Variants in DAPK1 observed in about 807,000 individuals in gnomAD.
DAPK1 encodes the protein death associated protein kinase 1.
In DAPK1, 56 loss-of-function variants were observed where a neutral mutation model predicts 144.9. The observed-to-expected ratio is 0.39, with a 90% confidence interval of 0.31 to 0.48. DAPK1 has a LOEUF of 0.48. Among genes scored for constraint, DAPK1 ranks in the 20% least tolerant of loss-of-function variants. The pLI is 0.95. For synonymous variants in DAPK1, 690 were observed against 749.0 expected (o/e 0.92, Z 1.29); for missense variants, 1,454 against 1,875.4 (o/e 0.78, Z 4.15).
At chr9:87,683,881 C>G (rs954610857) in intron 20 of DAPK1, among the ~76,000 whole-genome samples, 7 of 152,176 alleles carry the variant, frequency 4.6e-5, no homozygotes, top group African/African-American at 1.7e-4. Flanking sequence ...GGGGAGGAGG[C>G]AGCTGTCCTG....
chr9:87,690,834 A>G (rs1386586691), intron 21 of DAPK1, among the ~76,000 whole-genome samples: 1 of 151,634 alleles, frequency 6.6e-6, no homozygotes, highest in African/African-American at 2.4e-5. Flanking sequence ...CTTTCTGTTG[A>G]TGTGGTGTAT....
intron 3 of DAPK1, among the ~76,000 whole-genome samples, chr9:87,610,468 G>A (rs1485837214): frequency 1.3e-5 from 2 of 152,376 alleles, no homozygotes; most frequent in Non-Finnish European, 2.9e-5. Flanking sequence ...ACTTAAAGTC[G>A]ATGCTATTTC....
intron 2 of DAPK1, among the ~76,000 whole-genome samples, chr9:87,573,493 T>A (rs1827438515): frequency 6.6e-6 from 1 of 151,632 alleles, no homozygotes; most frequent in Non-Finnish European, 1.5e-5. Flanking sequence ...GAGGGGTGAG[T>A]TTGTAAGAGT....
At chr9:87,580,057 C>G (rs919605554) in intron 2 of DAPK1, among the ~76,000 whole-genome samples, 3 of 152,000 alleles carry the variant, frequency 2.0e-5, no homozygotes, top group Admixed American at 6.6e-5. Flanking sequence ...AAAAACAGTC[C>G]ATGGAGCTAA....
chr9:87,601,855 T>C (rs778803878), intron 2 of DAPK1, among the ~76,000 whole-genome samples: 5 of 152,170 alleles, frequency 3.3e-5, no homozygotes, highest in Non-Finnish European at 7.3e-5. Flanking sequence ...TGAACTATAA[T>C]GCAGAACACT....
At chr9:87,622,895 A>AGTG (rs1196433523) in intron 3 of DAPK1, among the ~76,000 whole-genome samples, 1 of 152,112 alleles carries the variant, frequency 6.6e-6, no homozygotes, top group Non-Finnish European at 1.5e-5. Flanking sequence ...TGGGCGGCAG[A>AGTG]GTGAGACTCC....
intron 2 of DAPK1, among the ~76,000 whole-genome samples, chr9:87,592,336 C>T (rs1828167847): frequency 6.6e-6 from 1 of 152,202 alleles, no homozygotes. Context: ...TCCCATTTCA[C>T]CCCCTTCCCT....
At chr9:87,638,145 C>G (rs1587797079) in intron 4 of DAPK1, 64 bp downstream of exon 4, 7 of 1,495,220 alleles carry the variant, frequency 4.7e-6, no homozygotes, top group Non-Finnish European at 5.4e-6. Context: ...TGTTTCTCTG[C>G]TAAGAAAAAT....
intron 1 of DAPK1, 94 bp downstream of exon 1, chr9:87,498,201 G>T: frequency 2.5e-6 from 1 of 396,586 alleles, no homozygotes; most frequent in Non-Finnish European, 4.4e-6. Flanking sequence ...TCCGGGCAGT[G>T]CCTCGAGCAA....
chr9:87,571,095 C>A (rs1224461150), intron 2 of DAPK1, among the ~76,000 whole-genome samples: 1 of 152,110 alleles, frequency 6.6e-6, no homozygotes, highest in Non-Finnish European at 1.5e-5. Flanking sequence ...GTGGATGCCT[C>A]ATGCCAACGC....
intron 23 of DAPK1, 63 bp from the exon 24 acceptor site, chr9:87,700,054 C>T (rs568940467): frequency 6.1e-5 from 87 of 1,433,304 alleles, no homozygotes; most frequent in Non-Finnish European, 8.3e-5. Context: ...GGAGCCTGGC[C>T]CCTCCATTAA....
chr9:87,558,446 C>T (rs1826794386), intron 2 of DAPK1, among the ~76,000 whole-genome samples: 4 of 152,180 alleles, frequency 2.6e-5, no homozygotes, highest in Admixed American at 2.6e-4. Context: ...AACTAAAAAT[C>T]TTCCATGAAT....
intron 19 of DAPK1, among the ~76,000 whole-genome samples, chr9:87,678,732 C>T (rs1354390218): frequency 6.6e-6 from 1 of 152,148 alleles, no homozygotes; most frequent in Non-Finnish European, 1.5e-5. Flanking sequence ...TCAGGGGACC[C>T]AGGAGAATTC....
At chr9:87,577,828 C>A (rs1827619539) in intron 2 of DAPK1, among the ~76,000 whole-genome samples, 1 of 152,024 alleles carries the variant, frequency 6.6e-6, no homozygotes, top group South Asian at 2.1e-4. Context: ...AAGACTCCAC[C>A]AGTGATTCCT....
intron 2 of DAPK1, among the ~76,000 whole-genome samples, chr9:87,586,703 G>A (rs995269576): frequency 2.6e-5 from 4 of 152,256 alleles, no homozygotes; most frequent in Admixed American, 1.3e-4. Flanking sequence ...GAACCAGTGC[G>A]AAGTTCATTT....
chr9:87,703,077 C>A lies in DAPK1; in HGVS notation c.2920C>A (p.Pro974Thr). The A allele has an allele frequency of 6.3e-7, 1 of 1,599,754 alleles. No homozygotes were observed. The highest frequency in any genetic ancestry group is 8.6e-7 in the Non-Finnish European group (1 of 1,166,814). ...GTGTGAGAAAATCATCTCCACGCTG[C>A]CTTCCTGGAGGAAGCTCAATGGACC... ...HLCEKIISTL[P>T]SWRKLNGPNQ... The change falls in exon 25 of 26, where the codon CCT becomes ACT. Residue 974 changes from proline to threonine, a missense_variant. Around this residue, in one of 2 missense-constraint regions of DAPK1, gnomAD observed 1,025 missense variants for 1,237.9 expected, o/e 0.83. Transcript: ENST00000408954.
intron 2 of DAPK1, among the ~76,000 whole-genome samples, chr9:87,519,454 T>A (rs549615881): frequency 6.6e-6 from 1 of 152,174 alleles, no homozygotes; most frequent in Non-Finnish European, 1.5e-5. Context: ...TGATTTCCTA[T>A]GATTTCTGGG....
intron 2 of DAPK1, among the ~76,000 whole-genome samples, chr9:87,590,617 T>C (rs1248232019): frequency 6.6e-6 from 1 of 152,128 alleles, no homozygotes; most frequent in African/African-American, 2.4e-5. Context: ...GAGACAGGTC[T>C]CACTCTGTCA....
intron 2 of DAPK1, among the ~76,000 whole-genome samples, chr9:87,544,004 T>C (rs1826148243): frequency 6.6e-6 from 1 of 152,148 alleles, no homozygotes; most frequent in Non-Finnish European, 1.5e-5. Flanking sequence ...AGGGATTCAA[T>C]CTATGAAATT....
Sources: gnomAD v4.1 joint callset for allele counts (sites outside exome capture counted in the v4.1 genomes callset) on GRCh38, gnomAD v4.1.1 for gene constraint, gnomAD v4.1.1 regional missense constraint, MANE v1.5 for transcripts, NCBI Gene and HGNC (gene_info 2026-07-23, HGNC 2026-07-21) for gene names.